The following STXBP5L variants were observed in gnomAD, a reference collection of about 807,000 sequenced individuals.
STXBP5L encodes the protein syntaxin-binding protein 5-like.
Under a neutral mutation model 144.5 loss-of-function variants are expected in STXBP5L, and 65 were observed. The observed-to-expected ratio is 0.45, with a 90% CI of 0.37 to 0.55. The LOEUF (loss-of-function observed/expected upper bound fraction) is 0.55, where lower values mean the gene tolerates loss of function less well. Ranked by LOEUF, STXBP5L falls within the 20% of genes least tolerant of loss-of-function variation. STXBP5L has a pLI of 0.00. For synonymous variants in STXBP5L, 505 were observed against 469.6 expected (o/e 1.08, Z -0.97); for missense variants, 1,298 against 1,405.5 (o/e 0.92, Z 1.22).
At chr3:121,332,874 G>C (rs755703857) in intron 20 of STXBP5L, among the ~76,000 whole-genome samples, 1 of 151,388 alleles carries the variant, frequency 6.6e-6, no homozygotes, top group Non-Finnish European at 1.5e-5. Context: ...AAAAAAAAAA[G>C]CATCAGGTAA....
intron 3 of STXBP5L, among the ~76,000 whole-genome samples, chr3:120,963,312 G>T (rs1939101986): frequency 6.6e-6 from 1 of 152,122 alleles, no homozygotes; most frequent in South Asian, 2.1e-4. Context: ...CCAACATTAT[G>T]TTGAATAGGA....
chr3:121,187,239 A>T (rs1156555635), intron 9 of STXBP5L, among the ~76,000 whole-genome samples: 1 of 152,152 alleles, frequency 6.6e-6, no homozygotes, highest in African/African-American at 2.4e-5. Flanking sequence ...TGATGAGTTC[A>T]TGTCCTTTGT....
At chr3:121,210,588 A>G (rs577896635) in intron 10 of STXBP5L, among the ~76,000 whole-genome samples, 45 of 152,244 alleles carry the variant, frequency 3.0e-4, no homozygotes, top group African/African-American at 9.9e-4. Context: ...TCTTTAATCC[A>G]TCTTGAATTA....
chr3:121,170,436 G>C (rs530425163), intron 9 of STXBP5L, among the ~76,000 whole-genome samples: 1 of 151,888 alleles, frequency 6.6e-6, no homozygotes, highest in African/African-American at 2.4e-5. Context: ...CAACAAAATA[G>C]ACCGCTAGTC....
intron 19 of STXBP5L, among the ~76,000 whole-genome samples, chr3:121,298,435 G>A (rs1394883961): frequency 6.6e-6 from 1 of 152,152 alleles, no homozygotes; most frequent in Non-Finnish European, 1.5e-5. Flanking sequence ...TCTTGAATGT[G>A]ACATCAAAGG....
At chr3:121,218,697 G>C (rs1349306041) in intron 10 of STXBP5L, among the ~76,000 whole-genome samples, 1 of 152,002 alleles carries the variant, frequency 6.6e-6, no homozygotes, top group Non-Finnish European at 1.5e-5. Context: ...GCCAAGCAAA[G>C]GGAGGAAGAG....
intron 3 of STXBP5L, among the ~76,000 whole-genome samples, chr3:120,987,201 C>A (rs1329792277): frequency 6.6e-6 from 1 of 151,882 alleles, no homozygotes; most frequent in African/African-American, 2.4e-5. Flanking sequence ...AGATGCCAAA[C>A]AATTTTCCAG....
chr3:121,257,061 T>C (rs2050229372), intron 16 of STXBP5L, 100 bp from the exon 17 acceptor site: 2 of 903,412 alleles, frequency 2.2e-6, no homozygotes, highest in Admixed American at 2.5e-5. Context: ...CCTAAAAAGT[T>C]ATCAGGTATT....
intron 3 of STXBP5L, among the ~76,000 whole-genome samples, chr3:120,964,678 G>A (rs1455120209): frequency 6.6e-6 from 1 of 152,156 alleles, no homozygotes; most frequent in Non-Finnish European, 1.5e-5. Flanking sequence ...GCTGAGGAGT[G>A]CTTTAGTTCC....
At chr3:121,170,556 A>G (rs2046670526) in intron 9 of STXBP5L, among the ~76,000 whole-genome samples, 1 of 152,236 alleles carries the variant, frequency 6.6e-6, no homozygotes, top group Admixed American at 6.5e-5. Context: ...AGAGAATACT[A>G]TAAACACTTC....
At chr3:121,314,792 AAAAC>A (rs1436585091) in intron 19 of STXBP5L, among the ~76,000 whole-genome samples, 3 of 152,234 alleles carry the variant, frequency 2.0e-5, no homozygotes, top group Non-Finnish European at 2.9e-5. Flanking sequence ...TTACAAGAAA[AAAAC>A]AAACAACCCC....
chr3:120,992,461 CT>C (rs1249571762), intron 3 of STXBP5L, among the ~76,000 whole-genome samples: 1 of 152,006 alleles, frequency 6.6e-6, no homozygotes, highest in African/African-American at 2.4e-5. Context: ...CCCATGCAGC[CT>C]TCCTCACCTC....
At chr3:121,340,383 A>G (rs1351833756) in intron 20 of STXBP5L, among the ~76,000 whole-genome samples, 1 of 152,042 alleles carries the variant, frequency 6.6e-6, no homozygotes, top group Non-Finnish European at 1.5e-5. Flanking sequence ...CACAACATGC[A>G]GGTTTGTTCC....
chr3:121,328,674 C>T (rs2108552702), intron 20 of STXBP5L, among the ~76,000 whole-genome samples: 2 of 152,136 alleles, frequency 1.3e-5, no homozygotes, highest in Middle Eastern at 6.8e-3. Context: ...CGCTTGAACC[C>T]AGGAGGCAGA....
chr3:121,419,034 G>T, intron 26 of STXBP5L, 22 bp from the exon 27 acceptor site: 3 of 1,609,198 alleles, frequency 1.9e-6, no homozygotes, highest in Non-Finnish European at 2.5e-6. Context: ...AGCGTCTTAT[G>T]GTGGCTATTT....
At chr3:120,967,660 G>A (rs1020110700) in intron 3 of STXBP5L, among the ~76,000 whole-genome samples, 1 of 151,322 alleles carries the variant, frequency 6.6e-6, no homozygotes, top group Non-Finnish European at 1.5e-5. Context: ...AATTTTTCTT[G>A]CTTTCCATTT....
At chr3:121,107,284 T>G (rs1316881199) in intron 5 of STXBP5L, among the ~76,000 whole-genome samples, 2 of 152,170 alleles carry the variant, frequency 1.3e-5, no homozygotes, top group East Asian at 3.8e-4. Context: ...TCATGAAATC[T>G]TTGCCCGTGC....
intron 19 of STXBP5L, among the ~76,000 whole-genome samples, chr3:121,309,336 T>G (rs1361271714): frequency 6.6e-6 from 1 of 151,980 alleles, no homozygotes; most frequent in Admixed American, 6.5e-5. Context: ...ATAAGAAAAC[T>G]GGAGTTACTG....
At chr3:121,143,407 G>T (rs1463919937) in intron 7 of STXBP5L, among the ~76,000 whole-genome samples, 3 of 151,444 alleles carry the variant, frequency 2.0e-5, no homozygotes, top group African/African-American at 7.3e-5. Flanking sequence ...AATTCATGAT[G>T]AAATAGATGC....
Sources: gnomAD v4.1 joint callset for allele counts (sites outside exome capture counted in the v4.1 genomes callset) on GRCh38, gnomAD v4.1.1 for gene constraint, MANE v1.5 for transcripts, NCBI Gene and HGNC (gene_info 2026-07-23, HGNC 2026-07-21) for gene names.